The following PPFIA1 variants were observed in gnomAD, a reference collection of about 807,000 sequenced individuals.
PPFIA1 encodes liprin-alpha-1.
A neutral mutation model predicts 149.9 loss-of-function variants in PPFIA1; 25 were observed. The observed-to-expected ratio is 0.17, with a 90% confidence interval of 0.12 to 0.23. The LOEUF is 0.23. Ranked by LOEUF, PPFIA1 falls within the 10% of genes least tolerant of loss-of-function variation. The pLI is 1.00. For synonymous variants in PPFIA1, 549 were observed against 552.8 expected (o/e 0.99, Z 0.10); for missense variants, 1,362 against 1,506.5 (o/e 0.90, Z 1.59).
At chr11:70,316,521 G>A (rs368308625) in intron 2 of PPFIA1, among the ~76,000 whole-genome samples, 8 of 152,252 alleles carry the variant, frequency 5.3e-5, no homozygotes, top group African/African-American at 1.9e-4. Flanking sequence ...ATGTGGAATT[G>A]TAACATGGCC....
rs534856862 is a variant in PPFIA1, at chr11:70,326,618, A to C, written c.730A>C (p.Ser244Arg). 104 of 1,614,028 alleles carry C rather than the reference A, an allele frequency of 6.4e-5. No homozygotes were observed. In the Admixed American group the frequency reaches 1.2e-3, roughly 19 times the overall value. Reference sequence around the variant, plus strand: ...TCAGAGATCTTCTGATGGTTCTTTAAGCCACGAGGAAGACCTTGCTAAAGT... The same window carrying C: ...TCAGAGATCTTCTGATGGTTCTTTACGCCACGAGGAAGACCTTGCTAAAGT... The part of the protein sequence containing the change: ...SGKRSSDGSL[S>R]HEEDLAKVIE... The change falls in exon 7 of 28, where the codon AGC becomes CGC. Residue 244 changes from serine (S) to arginine (R), a missense_variant. This residue lies in a region of PPFIA1 where 733 missense variants were observed against 744.1 expected (regional missense o/e 0.99). Transcript: ENST00000253925.
At chr11:70,302,898 C>T (rs1405768638) in intron 2 of PPFIA1, among the ~76,000 whole-genome samples, 1 of 151,926 alleles carries the variant, frequency 6.6e-6, no homozygotes, top group African/African-American at 2.4e-5. Flanking sequence ...TGTGCCACCA[C>T]ACCACAGGAA....
At chr11:70,365,829 CTTT>C in intron 21 of PPFIA1, 2 of 407,450 alleles carry the variant, frequency 4.9e-6, no homozygotes, top group Admixed American at 6.3e-5. Flanking sequence ...ATAGTCTGAA[CTTT>C]TTCACTCAGT....
rs1453132569 is a variant in PPFIA1, at chr11:70,354,899, CCAATCAG to C, written c.2315+449_2315+455del. 5.3e-5 allele frequency among the ~76,000 whole-genome samples: 8 copies of C among 152,034 alleles called. No individual in the cohort carries two copies. In the East Asian group the frequency reaches 1.5e-3, roughly 29 times the overall value. On this transcript the variant is annotated intron_variant, in intron 17 of 27. Transcript: ENST00000253925. ...TTAGTGAGTGTCCCCTCTCAGGAAA[CCAATCAG>C]CTGTTTTGTTACTAGTATGCTATCT...
intron 23 of PPFIA1, chr11:70,374,147 G>A (rs1193070436): frequency 6.6e-6 from 1 of 152,352 alleles, no homozygotes; most frequent in East Asian, 1.9e-4. Flanking sequence ...GCCAAGGCAG[G>A]AGTATTGTCT....
At chr11:70,279,079 A>G (rs2050583199) in intron 2 of PPFIA1, 1 of 509,016 alleles carries the variant, frequency 2.0e-6, no homozygotes, top group Non-Finnish European at 3.7e-6. Flanking sequence ...AAGTCTTTTG[A>G]CGCATTTCTT....
chr11:70,371,010 G>A (rs1471968587), intron 21 of PPFIA1, among the ~76,000 whole-genome samples: 1 of 152,018 alleles, frequency 6.6e-6, no homozygotes, highest in African/African-American at 2.4e-5. Context: ...GCTTGTGCTT[G>A]TAATCCCAGA....
chr11:70,337,322 G>A (rs752871042), intron 11 of PPFIA1, 43 bp from the exon 12 acceptor site: 1 of 1,361,292 alleles, frequency 7.3e-7, no homozygotes, highest in South Asian at 1.3e-5. Context: ...ATTTAAATGG[G>A]ACATTTTAAA....
chr11:70,306,593 A>G lies in PPFIA1; in HGVS notation c.265-17809A>G, dbSNP rs1229847422. Reference sequence around the variant, plus strand: ...ATAAATGCTTGGGCATGACAACCCTAGAAGGCATAAGGCCCGATGTGTGTA... The same window carrying G: ...ATAAATGCTTGGGCATGACAACCCTGGAAGGCATAAGGCCCGATGTGTGTA... On this transcript the variant is annotated intron_variant, in intron 2 of 27. Coordinates refer to ENST00000253925, the MANE Select transcript of PPFIA1 (RefSeq NM_003626.5). Among the ~76,000 whole-genome samples, 3 of 152,230 alleles carry G rather than the reference A, an allele frequency of 2.0e-5. No homozygotes were observed. In the East Asian group the frequency reaches 5.8e-4, roughly 29 times the overall value.
chr11:70,358,960 T>C (rs571204558), intron 19 of PPFIA1, among the ~76,000 whole-genome samples: 1 of 152,354 alleles, frequency 6.6e-6, no homozygotes, highest in South Asian at 2.1e-4. Flanking sequence ...TGTTCCCTTT[T>C]CATGTTCTCC....
At chr11:70,354,936 T>C (rs1241675479) in intron 17 of PPFIA1, among the ~76,000 whole-genome samples, 1 of 152,078 alleles carries the variant, frequency 6.6e-6, no homozygotes, top group African/African-American at 2.4e-5. Flanking sequence ...CTATCTATGC[T>C]ATCTTTTTTT....
chr11:70,326,585 T>G lies in PPFIA1; in HGVS notation c.709-12T>G. ...ACAAGGGTATTTAAGGATTTTTTTT[T>G]CCCCCTATCAGAGATCTTCTGATGG... On this transcript the variant is annotated splice_polypyrimidine_tract_variant and intron_variant, in intron 6 of 27. Transcript: ENST00000253925. 1.3e-6 allele frequency: 2 copies of G among 1,584,676 alleles called. No individual in the cohort carries two copies. The highest frequency in any genetic ancestry group is 1.7e-6 in the Non-Finnish European group (2 of 1,163,372).
intron 17 of PPFIA1, 34 bp from the exon 18 acceptor site, chr11:70,355,605 G>A: frequency 6.4e-7 from 1 of 1,567,360 alleles, no homozygotes; most frequent in South Asian, 1.2e-5. Context: ...TCCTACAAGG[G>A]CACATAGTAA....
intron 8 of PPFIA1, among the ~76,000 whole-genome samples, chr11:70,330,821 T>C (rs895699337): frequency 7.2e-5 from 11 of 152,102 alleles, no homozygotes; most frequent in Non-Finnish European, 1.0e-4. Flanking sequence ...CCTTTAGCCC[T>C]AGCTACTCAG....
At chr11:70,317,392 ATTC>A (rs2053698726) in intron 2 of PPFIA1, among the ~76,000 whole-genome samples, 1 of 152,164 alleles carries the variant, frequency 6.6e-6, no homozygotes, top group Admixed American at 6.5e-5. Flanking sequence ...CAGTTGTTGG[ATTC>A]TTCTGAGCAG....
At chr11:70,317,124 A>C (rs1345625435) in intron 2 of PPFIA1, among the ~76,000 whole-genome samples, 4 of 152,188 alleles carry the variant, frequency 2.6e-5, no homozygotes, top group Non-Finnish European at 5.9e-5. Context: ...TAAACTAGTG[A>C]TATATTTGAC....
chr11:70,294,969 T>C (rs377732177), intron 2 of PPFIA1, among the ~76,000 whole-genome samples: 8 of 152,240 alleles, frequency 5.3e-5, no homozygotes, highest in East Asian at 1.9e-4. Flanking sequence ...CACACAGACA[T>C]GGCAACCATC....
At chr11:70,382,691 T>C (rs2057755795) in intron 27 of PPFIA1, among the ~76,000 whole-genome samples, 1 of 152,238 alleles carries the variant, frequency 6.6e-6, no homozygotes, top group Non-Finnish European at 1.5e-5. Context: ...TGGCCCGCCC[T>C]CTCCTTGCTG....
At position 70,307,747 on chromosome 11, in the gene PPFIA1, T is replaced by C. The variant is rs368871893; in HGVS notation, c.265-16655T>C. On this transcript the variant is annotated intron_variant, in intron 2 of 27. Transcript: ENST00000253925. ...CCAACCTGGGCAACATAGACAGACCTTACCTCTACAAAAAAAATTTTTTTT... is the reference window on the plus strand; with the variant it reads ...CCAACCTGGGCAACATAGACAGACCCTACCTCTACAAAAAAAATTTTTTTT... 9.2e-4 allele frequency among the ~76,000 whole-genome samples: 137 copies of C among 149,412 alleles called. 3 individuals carry two copies. The South Asian group carries it at 0.019, about 21-fold the overall frequency.
Sources: allele counts gnomAD v4.1 joint callset (sites outside exome capture counted in the v4.1 genomes callset), GRCh38; gene constraint gnomAD v4.1.1; regional missense constraint gnomAD v4.1.1; transcripts MANE v1.5; gene names NCBI Gene and HGNC (gene_info 2026-07-23, HGNC 2026-07-21).